Variants in FBXL2 observed in about 807,000 individuals in gnomAD.
FBXL2 encodes the protein F-box and leucine rich repeat protein 2.
Under a neutral mutation model 69.2 loss-of-function variants are expected in FBXL2, and 38 were observed. The ratio of observed to expected loss-of-function variants is 0.55; its 90% CI spans 0.42 to 0.72. The LOEUF (loss-of-function observed/expected upper bound fraction) is 0.72, where lower values mean the gene tolerates loss of function less well. Ranked by LOEUF, FBXL2 falls within the 30% of genes least tolerant of loss-of-function variation. The pLI is 0.00. For synonymous variants in FBXL2, 192 were observed against 201.3 expected, an observed-to-expected ratio of 0.95 and a Z score of 0.39; for missense variants, 354 against 520.3, an observed-to-expected ratio of 0.68 and a Z score of 3.11.
chr3:33,341,675 C>A (rs1032885567), intron 2 of FBXL2, among the ~76,000 whole-genome samples: 7 of 151,524 alleles, frequency 4.6e-5, no homozygotes, highest in Admixed American at 4.6e-4. Context: ...ACTAAAAATA[C>A]AAAAATTAGC....
intron 2 of FBXL2, among the ~76,000 whole-genome samples, chr3:33,337,111 A>G (rs2039649664): frequency 1.3e-5 from 2 of 152,196 alleles, no homozygotes; most frequent in South Asian, 4.2e-4. Context: ...AGGCTGAGGC[A>G]GGAGGATCGC....
chr3:33,289,661 A>C (rs2035027582), intron 1 of FBXL2: 1 of 662,108 alleles, frequency 1.5e-6, no homozygotes, highest in African/African-American at 2.0e-5. Context: ...ACAGTTTGGA[A>C]TCCTGAGGAG....
At chr3:33,362,184 A>G (rs541644164) in intron 4 of FBXL2, among the ~76,000 whole-genome samples, 1 of 152,272 alleles carries the variant, frequency 6.6e-6, no homozygotes, top group Admixed American at 6.5e-5. Context: ...TTCCTTCCTC[A>G]TCACTCTTTC....
At chr3:33,297,623 A>T in intron 1 of FBXL2, 41 bp from the exon 2 acceptor site, 2 of 1,283,252 alleles carry the variant, frequency 1.6e-6, no homozygotes, top group Non-Finnish European at 1.1e-6. Context: ...CACATTGATT[A>T]AAGAACATTT....
chr3:33,411,270 C>T, the FBXL2 span, among the ~76,000 whole-genome samples: 9 of 152,082 alleles, frequency 5.9e-5, no homozygotes, highest in Non-Finnish European at 1.2e-4. Flanking sequence ...TTTTTTCAAT[C>T]GTATCCTTTT....
chr3:33,289,634 G>A (rs963401744), intron 1 of FBXL2: 1 of 321,110 alleles, frequency 3.1e-6, no homozygotes, highest in Non-Finnish European at 4.5e-6. Flanking sequence ...GTTACTGACT[G>A]CACATAGGCT....
intron 2 of FBXL2, among the ~76,000 whole-genome samples, chr3:33,354,334 T>C (rs993479075): frequency 6.6e-6 from 1 of 151,834 alleles, no homozygotes; most frequent in African/African-American, 2.4e-5. Flanking sequence ...ACCAATATAG[T>C]GAAACCCCGT....
At chr3:33,393,258 C>G in intron 12 of FBXL2, 1 of 1,503,390 alleles carries the variant, frequency 6.7e-7, no homozygotes, top group Non-Finnish European at 8.9e-7. Flanking sequence ...TCTACAATTA[C>G]ATGTATAAAA....
At chr3:33,401,118 G>A (rs925754650) in intron 12 of FBXL2, 1 of 1,099,184 alleles carries the variant, frequency 9.1e-7, no homozygotes, top group Non-Finnish European at 1.3e-6. Context: ...CAAATTTCAA[G>A]TAAGGCAACA....
At chr3:33,311,811 A>T (rs1453543547) in intron 2 of FBXL2, among the ~76,000 whole-genome samples, 1 of 152,036 alleles carries the variant, frequency 6.6e-6, no homozygotes, top group African/African-American at 2.4e-5. Flanking sequence ...ATTTTAGTAG[A>T]GACGGGGTTT....
intron 12 of FBXL2, among the ~76,000 whole-genome samples, chr3:33,394,726 T>C (rs1490498423): frequency 2.0e-5 from 3 of 151,752 alleles, no homozygotes; most frequent in South Asian, 4.2e-4. Flanking sequence ...TAAAAGAAGC[T>C]GGAACTAAAA....
chr3:33,290,780 C>T (rs913963995), intron 1 of FBXL2, among the ~76,000 whole-genome samples: 2 of 151,892 alleles, frequency 1.3e-5, no homozygotes. Context: ...GAAGTCTGAA[C>T]TGAGGTACAT....
chr3:33,305,188 C>T (rs1012065308), intron 2 of FBXL2, among the ~76,000 whole-genome samples: 5 of 151,770 alleles, frequency 3.3e-5, no homozygotes, highest in African/African-American at 1.2e-4. Flanking sequence ...TAAGGAACTT[C>T]CTCCTTACCC....
chr3:33,396,342 T>C, intron 12 of FBXL2: 1 of 1,218,782 alleles, frequency 8.2e-7, no homozygotes, highest in Admixed American at 2.0e-5. Flanking sequence ...CATGTACAAA[T>C]ATGACAACTA....
intron 5 of FBXL2, among the ~76,000 whole-genome samples, chr3:33,365,022 G>T (rs1371574857): frequency 6.6e-6 from 1 of 152,162 alleles, no homozygotes; most frequent in Non-Finnish European, 1.5e-5. Context: ...GAAATAACAT[G>T]TATGAAGTGC....
chr3:33,411,072 CAAAAA>C, the FBXL2 span, among the ~76,000 whole-genome samples: 1 of 65,554 alleles, frequency 1.5e-5, no homozygotes, highest in African/African-American at 6.0e-5. Flanking sequence ...AACTCCATCT[CAAAAA>C]AAAAAAAAAA....
At chr3:33,407,752 A>G (rs765068315), downstream of FBXL2, among the ~76,000 whole-genome samples, 8 of 152,212 alleles carry the variant, frequency 5.3e-5, no homozygotes, top group Non-Finnish European at 8.8e-5. Flanking sequence ...CGATATGTGT[A>G]AGAATGAAAA....
chr3:33,384,276 G>A, intron 14 of FBXL2, 75 bp downstream of exon 14: 1 of 1,465,878 alleles, frequency 6.8e-7, no homozygotes, highest in Admixed American at 1.8e-5. Context: ...AATCAGACCG[G>A]GGCTAGGCAC....
chr3:33,361,597 G>A (rs1014450732), intron 4 of FBXL2, among the ~76,000 whole-genome samples: 13 of 152,132 alleles, frequency 8.5e-5, no homozygotes, highest in African/African-American at 2.9e-4. Flanking sequence ...CAAGATTTTA[G>A]CTGACTGCTG....
Sources: gnomAD v4.1 joint callset for allele counts (sites outside exome capture counted in the v4.1 genomes callset) on GRCh38, gnomAD v4.1.1 for gene constraint, MANE v1.5 for transcripts, NCBI Gene and HGNC (gene_info 2026-07-23, HGNC 2026-07-21) for gene names.